Variants in CNTN6 observed in about 807,000 individuals in gnomAD.
CNTN6 encodes the protein contactin 6, also known as contactin-6.
CNTN6 carries 137 observed loss-of-function variants against 122.8 expected under a neutral mutation model. That is an observed-to-expected ratio of 1.12 (90% CI 0.97 to 1.29). CNTN6 has a LOEUF of 1.29. Ranked by LOEUF, CNTN6 falls within the 50% of genes most tolerant of loss-of-function variation. The pLI, the probability that CNTN6 is intolerant of heterozygous loss-of-function variation, is 0.00. For missense variants in CNTN6, 1,634 were observed against 1,223.4 expected (o/e 1.34, Z -5.01); for synonymous variants, 570 against 426.0 (o/e 1.34, Z -4.16).
chr3:1,312,150 C>T (rs1052270900), intron 7 of CNTN6, among the ~76,000 whole-genome samples: 1 of 151,962 alleles, frequency 6.6e-6, no homozygotes, highest in African/African-American at 2.4e-5. Context: ...GGGACCTGCC[C>T]TAAAAGTTGG....
intron 1 of CNTN6, among the ~76,000 whole-genome samples, chr3:1,101,255 T>G (rs2090879027): frequency 1.3e-5 from 2 of 152,194 alleles, no homozygotes; most frequent in South Asian, 4.1e-4. Context: ...GTCAGCTATG[T>G]AATGCAAAGG....
At chr3:1,402,212 C>G (rs1240750805) in intron 21 of CNTN6, 106 bp from the exon 22 acceptor site, 1 of 776,402 alleles carries the variant, frequency 1.3e-6, no homozygotes, top group Non-Finnish European at 2.0e-6. Context: ...CTGAGGAGTA[C>G]AACATTTATG....
chr3:1,372,351 G>C lies in CNTN6; in HGVS notation c.1545G>C (p.Glu515Asp). Residue 515 changes from glutamate to aspartate, a missense_variant, in exon 13 of 23, where the codon GAG (glutamate) becomes GAC (aspartate). Physicochemically the swap from Glu to Asp is conservative, Grantham distance 45. Coordinates refer to ENST00000446702, the MANE Select transcript of CNTN6 (RefSeq NM_001289080.2). ...PPSKMDVTVG[E>D]SIVLPCQVSH... ...CCAAAATGGATGTTACAGTTGGCGA[G>C]AGTATAGTGCTACCATGCCAGGTGT... 1 of 1,612,736 alleles carries C rather than the reference G, an allele frequency of 6.2e-7. No homozygotes were observed. Among genetic ancestry groups the C allele is most frequent in the Non-Finnish European group, 8.5e-7 (1 of 1,179,294 alleles).
chr3:1,338,483 T>A (rs541431051), intron 11 of CNTN6, among the ~76,000 whole-genome samples: 3 of 152,274 alleles, frequency 2.0e-5, no homozygotes, highest in Non-Finnish European at 4.4e-5. Flanking sequence ...TGCACACATA[T>A]CTACTTAGAT....
chr3:1,297,437 TAAAAC>T (rs72387934), intron 6 of CNTN6, among the ~76,000 whole-genome samples: 3,425 of 152,178 alleles, frequency 0.023, 146 homozygotes, highest in African/African-American at 0.078. Context: ...TTTTAAAACT[TAAAAC>T]AAATTCGTAT....
chr3:1,230,214 A>G, intron 4 of CNTN6, among the ~76,000 whole-genome samples: 1 of 152,216 alleles, frequency 6.6e-6, no homozygotes, highest in East Asian at 1.9e-4. Flanking sequence ...GATTTTGGGA[A>G]ACAGAGAGGT....
At chr3:1,134,547 C>G (rs1225081658) in intron 1 of CNTN6, among the ~76,000 whole-genome samples, 1 of 152,082 alleles carries the variant, frequency 6.6e-6, no homozygotes, top group Non-Finnish European at 1.5e-5. Context: ...AAATTAAGAT[C>G]ACAGTTTTGT....
At chr3:1,250,909 G>A (rs926923325) in intron 4 of CNTN6, among the ~76,000 whole-genome samples, 1 of 136,836 alleles carries the variant, frequency 7.3e-6, no homozygotes, top group South Asian at 2.8e-4. Context: ...CATCTCCTCC[G>A]TGCCATTTCC....
intron 2 of CNTN6, among the ~76,000 whole-genome samples, chr3:1,162,810 C>T (rs1322595164): frequency 6.6e-6 from 1 of 152,202 alleles, no homozygotes; most frequent in African/African-American, 2.4e-5. Context: ...CCATCTTCTA[C>T]TCAACTGCCA....
intron 1 of CNTN6, among the ~76,000 whole-genome samples, chr3:1,098,430 TAATC>T (rs1400100803): frequency 1.3e-5 from 2 of 151,954 alleles, no homozygotes; most frequent in African/African-American, 2.4e-5. Flanking sequence ...GATAATGCCT[TAATC>T]AAGTAATGTA....
intron 1 of CNTN6, among the ~76,000 whole-genome samples, chr3:1,116,358 C>T (rs11918761): frequency 0.022 from 3,420 of 152,162 alleles, 136 homozygotes; most frequent in African/African-American, 0.078. Context: ...TGTATCAAGA[C>T]GATTTTATAG....
At chr3:1,325,218 C>T (rs1164807750) in intron 8 of CNTN6, among the ~76,000 whole-genome samples, 1 of 151,780 alleles carries the variant, frequency 6.6e-6, no homozygotes, top group African/African-American at 2.4e-5. Flanking sequence ...AAAACTCACA[C>T]CCAGAATTAA....
chr3:1,267,587 G>GGC (rs1413878113), intron 4 of CNTN6, among the ~76,000 whole-genome samples: 35 of 152,236 alleles, frequency 2.3e-4, no homozygotes, highest in African/African-American at 8.2e-4. Flanking sequence ...ATAAACACTT[G>GGC]ATATTGGAGA....
In CNTN6 at chr3:1,278,444, C is replaced by G. The variant is rs1246554704; in HGVS notation, c.390C>G (p.Ser130Arg). Residue 130 changes from serine to arginine, a missense_variant, in exon 5 of 23, where the codon AGC becomes AGG. Physicochemically the swap from Ser to Arg is moderately radical, Grantham distance 110 (BLOSUM62 -1). Transcript: ENST00000446702. ...YIEDFETKTR[S>R]TVSVREGQGV... The stretch of plus-strand genomic sequence containing the variant: ...AAGACTTTGAAACTAAAACAAGAAG[C>G]ACAGTATCTGTCCGAGAAGGTCAAG... The G allele has an allele frequency of 6.2e-7, 1 of 1,611,076 alleles. No homozygotes were observed.
At chr3:1,326,296 C>T (rs146267835) in intron 9 of CNTN6, among the ~76,000 whole-genome samples, 47 of 151,850 alleles carry the variant, frequency 3.1e-4, no homozygotes, top group African/African-American at 9.9e-4. Flanking sequence ...AATATTTTTC[C>T]GTGCATTATC....
At chr3:1,142,072 C>G (rs939818338) in intron 1 of CNTN6, among the ~76,000 whole-genome samples, 1 of 152,140 alleles carries the variant, frequency 6.6e-6, no homozygotes, top group Non-Finnish European at 1.5e-5. Context: ...CAGCCACCTT[C>G]CAGAATTTTC....
At chr3:1,312,319 AAT>A (rs58013186) in intron 7 of CNTN6, among the ~76,000 whole-genome samples, 1 of 151,274 alleles carries the variant, frequency 6.6e-6, no homozygotes, top group Admixed American at 6.6e-5. Flanking sequence ...ATCCAAGAAG[AAT>A]ATATATATAT....
chr3:1,119,228 T>C (rs963063416), intron 1 of CNTN6, among the ~76,000 whole-genome samples: 3 of 151,648 alleles, frequency 2.0e-5, no homozygotes, highest in African/African-American at 7.3e-5. Context: ...TAGGTCATAA[T>C]AGGACTATAA....
At chr3:1,327,212 T>C (rs1701660364) in intron 9 of CNTN6, among the ~76,000 whole-genome samples, 1 of 151,908 alleles carries the variant, frequency 6.6e-6, no homozygotes, top group African/African-American at 2.4e-5. Context: ...AACATACATT[T>C]TGTGCAAAGT....
Sources: allele counts gnomAD v4.1 joint callset (sites outside exome capture counted in the v4.1 genomes callset), GRCh38; gene constraint gnomAD v4.1.1; transcripts MANE v1.5; gene names NCBI Gene and HGNC (gene_info 2026-07-23, HGNC 2026-07-21).